AGBL3: variants seen among roughly 807,000 people sequenced by gnomAD.
AGBL3 encodes the protein cytosolic carboxypeptidase 3.
In AGBL3, 68 loss-of-function variants were observed where a neutral mutation model predicts 94.5. The observed-to-expected ratio is 0.72, with a 90% CI of 0.59 to 0.88. The LOEUF is 0.88. Among genes scored for constraint, AGBL3 ranks in the 40% least tolerant of loss-of-function variants. The pLI is 0.00. For missense variants in AGBL3, 934 were observed against 1,103.8 expected (o/e 0.85, Z 2.18); for synonymous variants, 354 against 370.7 (o/e 0.95, Z 0.52).
At chr7:135,092,289 C>T (rs1821967358) in intron 15 of AGBL3, 1 of 152,122 alleles carries the variant, frequency 6.6e-6, no homozygotes, top group South Asian at 2.1e-4. Flanking sequence ...AAAATAATTC[C>T]AGAAGTATAA....
intron 15 of AGBL3, among the ~76,000 whole-genome samples, chr7:135,104,511 T>A (rs1428068860): frequency 1.3e-5 from 2 of 152,186 alleles, no homozygotes; most frequent in Non-Finnish European, 2.9e-5. Flanking sequence ...CCATACTGCT[T>A]TCTATAATGG....
intron 11 of AGBL3, among the ~76,000 whole-genome samples, chr7:135,049,831 C>T (rs949385737): frequency 6.6e-6 from 1 of 151,564 alleles, no homozygotes; most frequent in Non-Finnish European, 1.5e-5. Context: ...AAGAGTTTGT[C>T]AATTTTGGCT....
chr7:135,071,193 C>T (rs1330756618), intron 12 of AGBL3, among the ~76,000 whole-genome samples: 3 of 152,062 alleles, frequency 2.0e-5, no homozygotes, highest in African/African-American at 7.2e-5. Context: ...TCAAGGAGAA[C>T]TACAAACCAC....
chr7:134,999,033 A>G (rs985476239), intron 4 of AGBL3, among the ~76,000 whole-genome samples: 8 of 152,170 alleles, frequency 5.3e-5, no homozygotes, highest in African/African-American at 1.9e-4. Flanking sequence ...TTTTAGACAA[A>G]AAAAAAAGTT....
chr7:135,025,979 C>T (rs1815049159), intron 5 of AGBL3, among the ~76,000 whole-genome samples: 1 of 151,590 alleles, frequency 6.6e-6, no homozygotes, highest in Admixed American at 6.6e-5. Flanking sequence ...CAGTAGGAGA[C>T]TTTAACACCC....
At position 135,135,267 on chromosome 7, in the gene AGBL3, C is replaced by G. The variant is rs935234704; in HGVS notation, c.*6C>G. On this transcript the variant is annotated 3_prime_UTR_variant, in exon 17 of 17. Coordinates refer to ENST00000436302, the MANE Select transcript of AGBL3 (RefSeq NM_178563.4). ...AGTTCCAAAGGGAGAGTTAATCTAG[C>G]TTTATACTGCTCTGAGAACTGTGAA... 6.7e-7 allele frequency: 1 copy of G among 1,496,762 alleles called. No homozygotes were observed. The highest frequency in any genetic ancestry group is 1.4e-5 in the African/African-American group (1 of 70,592). 92.7% of individuals were successfully genotyped at this position (1,496,762 alleles called of 1,614,324 possible).
chr7:135,086,841 C>G (rs1821375362), intron 15 of AGBL3, among the ~76,000 whole-genome samples: 1 of 151,824 alleles, frequency 6.6e-6, no homozygotes, highest in Non-Finnish European at 1.5e-5. Context: ...CTGGTTGATA[C>G]CAGGGTAATA....
At chr7:135,037,879 T>A (rs1816466575) in intron 8 of AGBL3, among the ~76,000 whole-genome samples, 2 of 152,170 alleles carry the variant, frequency 1.3e-5, no homozygotes, top group East Asian at 1.9e-4. Context: ...GGGGTTTTTT[T>A]ATTGTTTAAA....
intron 11 of AGBL3, among the ~76,000 whole-genome samples, chr7:135,049,541 AT>A (rs1299944688): frequency 6.6e-6 from 1 of 151,968 alleles, no homozygotes; most frequent in East Asian, 1.9e-4. Context: ...AAGCCATCTA[AT>A]CCTGGGCTTT....
chr7:135,051,794 C>T (rs1012651574), intron 11 of AGBL3, among the ~76,000 whole-genome samples: 7 of 152,006 alleles, frequency 4.6e-5, no homozygotes, highest in Non-Finnish European at 8.8e-5. Context: ...CCTGCTTCTT[C>T]CTTTTCCTAT....
At chr7:134,987,177 C>A (rs1475977983) in intron 1 of AGBL3, among the ~76,000 whole-genome samples, 1 of 152,202 alleles carries the variant, frequency 6.6e-6, no homozygotes, top group Non-Finnish European at 1.5e-5. Flanking sequence ...TATATGTAGT[C>A]CACGCTCCAA....
intron 12 of AGBL3, among the ~76,000 whole-genome samples, chr7:135,074,953 T>TAAAGAATAAAC (rs952461751): frequency 5.3e-5 from 6 of 114,008 alleles, no homozygotes; most frequent in African/African-American, 1.8e-4. Flanking sequence ...TGTTAACTTT[T>TAAAGAATAAAC]AAAGAATAAA....
chr7:135,027,053 T>C (rs2116366122), intron 5 of AGBL3, among the ~76,000 whole-genome samples: 1 of 151,812 alleles, frequency 6.6e-6, no homozygotes, highest in African/African-American at 2.4e-5. Flanking sequence ...TTTTACTTTT[T>C]ATTTGAATTT....
intron 13 of AGBL3, among the ~76,000 whole-genome samples, chr7:135,079,748 G>A (rs892018872): frequency 1.3e-5 from 2 of 151,748 alleles, no homozygotes; most frequent in Admixed American, 1.3e-4. Flanking sequence ...GATTACAGAT[G>A]TGTACCGTGC....
At chr7:135,002,943 T>C (rs1811909789) in intron 4 of AGBL3, among the ~76,000 whole-genome samples, 1 of 152,250 alleles carries the variant, frequency 6.6e-6, no homozygotes, top group Non-Finnish European at 1.5e-5. Context: ...AAGTGCTTTC[T>C]GCCTATGCAG....
At chr7:135,121,146 G>A (rs12536035) in intron 16 of AGBL3, among the ~76,000 whole-genome samples, 36,225 of 151,940 alleles carry the variant, frequency 0.24, 5,359 homozygotes, top group South Asian at 0.42. Context: ...TGGAGGTTGC[G>A]GTGAGCCAAG....
At chr7:135,111,176 A>G (rs1185351789) in intron 15 of AGBL3, among the ~76,000 whole-genome samples, 2 of 121,040 alleles carry the variant, frequency 1.7e-5, no homozygotes, top group African/African-American at 5.7e-5. Flanking sequence ...TTCTTGTTTC[A>G]AAGAAATAAA....
intron 16 of AGBL3, among the ~76,000 whole-genome samples, chr7:135,134,547 T>C (rs1209586529): frequency 6.6e-6 from 1 of 151,978 alleles, no homozygotes; most frequent in Non-Finnish European, 1.5e-5. Context: ...TTTAACTAGA[T>C]ATATAGGTAA....
At chr7:135,121,988 T>C (rs997149546) in intron 16 of AGBL3, among the ~76,000 whole-genome samples, 2 of 152,220 alleles carry the variant, frequency 1.3e-5, no homozygotes, top group African/African-American at 4.8e-5. Context: ...AATAGCCTCT[T>C]AGCTGGAATC....
Sources: gnomAD v4.1 joint callset for allele counts (sites outside exome capture counted in the v4.1 genomes callset) on GRCh38, gnomAD v4.1.1 for gene constraint, MANE v1.5 for transcripts, NCBI Gene and HGNC (gene_info 2026-07-23, HGNC 2026-07-21) for gene names.